Variants in SEMA4F observed in about 807,000 individuals in gnomAD.
The protein encoded by SEMA4F is ssemaphorin 4F.
A neutral mutation model predicts 78.4 loss-of-function variants in SEMA4F; 51 were observed. The observed-to-expected ratio is 0.65, with a 90% CI of 0.52 to 0.82. The LOEUF (loss-of-function observed/expected upper bound fraction) is 0.82, where lower values mean the gene tolerates loss of function less well. Ranked by LOEUF, SEMA4F falls within the 40% of genes least tolerant of loss-of-function variation. The pLI, the probability that SEMA4F is intolerant of heterozygous loss-of-function variation, is 0.00. For missense variants in SEMA4F, 938 were observed against 1,014.4 expected (o/e 0.92, Z 1.02); for synonymous variants, 418 against 408.7 (o/e 1.02, Z -0.27).
chr2:74,662,780 A>G lies in SEMA4F; in HGVS notation c.505A>G (p.Lys169Glu), dbSNP rs752646376. The stretch of plus-strand genomic sequence containing the variant: ...TGAAAGACTTGAGAGTGGCCGGGGG[A>G]AATGTCCTTTTGAGCCAGCTCAGCG... ...QVERLESGRG[K>E]CPFEPAQRSA... Residue 169 changes from lysine to glutamate, a missense_variant, in exon 5 of 14, where the codon AAA becomes GAA. Coordinates refer to ENST00000357877, the MANE Select transcript of SEMA4F (RefSeq NM_004263.5). 1 of 1,614,112 alleles carries G rather than the reference A, an allele frequency of 6.2e-7. No individual in the cohort carries two copies. The highest frequency in any genetic ancestry group is 1.1e-5 in the South Asian group (1 of 91,076).
chr2:74,673,586 G>A lies in SEMA4F; in HGVS notation c.670+10G>A. The A allele has an allele frequency of 2.5e-6, 4 of 1,614,126 alleles. No individual in the cohort carries two copies. Among genetic ancestry groups the A allele is most frequent in the Non-Finnish European group, 3.4e-6 (4 of 1,180,014 alleles). Reference sequence around the variant, plus strand: ...CCTTCCTGGCTGAACGGTGGGGAGAGGGAGAGGGGTCCTCTGGGGAGACCG... The same window carrying A: ...CCTTCCTGGCTGAACGGTGGGGAGAAGGAGAGGGGTCCTCTGGGGAGACCG... On this transcript the variant is annotated intron_variant, in intron 6 of 13. Transcript: ENST00000357877.
chr2:74,660,306 C>T (rs1028869083), intron 4 of SEMA4F, among the ~76,000 whole-genome samples: 2 of 152,256 alleles, frequency 1.3e-5, no homozygotes, highest in Admixed American at 1.3e-4. Context: ...TCCTGTCCCT[C>T]TAGTCTAGCC....
At chr2:74,692,020 C>T in the SEMA4F span, among the ~76,000 whole-genome samples, 2 of 152,134 alleles carry the variant, frequency 1.3e-5, no homozygotes, top group Non-Finnish European at 2.9e-5. Flanking sequence ...GTGGTGGGCA[C>T]TGGGCCAGGA....
At chr2:74,663,369 C>T (rs1330743070) in intron 5 of SEMA4F, among the ~76,000 whole-genome samples, 5 of 151,944 alleles carry the variant, frequency 3.3e-5, no homozygotes, top group South Asian at 2.1e-4. Flanking sequence ...CTAGTGGTAC[C>T]GTATTAGTGT....
At chr2:74,662,649 T>TTCC in intron 4 of SEMA4F, 83 bp from the exon 5 acceptor site, 1 of 1,129,816 alleles carries the variant, frequency 8.9e-7, no homozygotes, top group Admixed American at 1.7e-5. Flanking sequence ...AATTGACCTT[T>TTCC]TCCTTCATCT....
chr2:74,674,355 C>T, intron 7 of SEMA4F, 143 bp from the exon 8 acceptor site: 4 of 683,564 alleles, frequency 5.9e-6, no homozygotes. Context: ...CTCTGTGTGG[C>T]TCTCTGTCCT....
intron 12 of SEMA4F, among the ~76,000 whole-genome samples, chr2:74,678,415 G>A (rs907491379): frequency 6.6e-6 from 1 of 152,220 alleles, no homozygotes; most frequent in Non-Finnish European, 1.5e-5. Flanking sequence ...CTCTCAGCTA[G>A]ACTAATCAAC....
the SEMA4F span, among the ~76,000 whole-genome samples, chr2:74,704,301 A>C: frequency 6.7e-6 from 1 of 149,144 alleles, no homozygotes; most frequent in Non-Finnish European, 1.5e-5. Flanking sequence ...CTATTTTCTC[A>C]TGGCTATTTG....
At chr2:74,694,167 C>T in the SEMA4F span, among the ~76,000 whole-genome samples, 1 of 152,008 alleles carries the variant, frequency 6.6e-6, no homozygotes, top group Admixed American at 6.6e-5. Context: ...TGTGTGTGTG[C>T]GTGCTTCTTT....
intron 5 of SEMA4F, 38 bp downstream of exon 5, chr2:74,662,863 A>G: frequency 6.5e-7 from 1 of 1,534,274 alleles, no homozygotes; most frequent in Non-Finnish European, 9.0e-7. Context: ...ACTTCTTGCT[A>G]ATTGCCTCCT....
At chr2:74,664,399 A>G (rs1684582148) in intron 5 of SEMA4F, among the ~76,000 whole-genome samples, 1 of 151,612 alleles carries the variant, frequency 6.6e-6, no homozygotes, top group African/African-American at 2.4e-5. Context: ...AGTTAGTTCA[A>G]AGATTTTGCT....
the SEMA4F span, among the ~76,000 whole-genome samples, chr2:74,708,719 A>T: frequency 6.6e-6 from 1 of 152,252 alleles, no homozygotes; most frequent in Non-Finnish European, 1.5e-5. Flanking sequence ...AACTTGAATG[A>T]GAAAAGACAA....
At chr2:74,666,897 A>C in intron 5 of SEMA4F, among the ~76,000 whole-genome samples, 1 of 152,364 alleles carries the variant, frequency 6.6e-6, no homozygotes, top group Non-Finnish European at 1.5e-5. Context: ...TGTGCATTGT[A>C]GAAAATTGAG....
the SEMA4F span, among the ~76,000 whole-genome samples, chr2:74,698,220 C>T: frequency 6.6e-6 from 1 of 152,118 alleles, no homozygotes; most frequent in African/African-American, 2.4e-5. Context: ...TTCAAAGGGA[C>T]TAGACAAAGC....
chr2:74,691,970 G>C, the SEMA4F span, among the ~76,000 whole-genome samples: 1 of 152,180 alleles, frequency 6.6e-6, no homozygotes, highest in Non-Finnish European at 1.5e-5. Flanking sequence ...GGGTAACAGT[G>C]TCCAGCCTTA....
chr2:74,665,684 C>T (rs1684656046), intron 5 of SEMA4F, among the ~76,000 whole-genome samples: 1 of 152,074 alleles, frequency 6.6e-6, no homozygotes, highest in Non-Finnish European at 1.5e-5. Flanking sequence ...ATGAGACCTT[C>T]CTTATACATG....
the SEMA4F span, among the ~76,000 whole-genome samples, chr2:74,707,505 A>T: frequency 3.3e-3 from 275 of 83,520 alleles, 1 homozygote; most frequent in East Asian, 0.11. Flanking sequence ...TTTTTTTTTT[A>T]AAAAGGTTAA....
At chr2:74,668,950 A>T (rs1684837592) in intron 5 of SEMA4F, among the ~76,000 whole-genome samples, 1 of 151,558 alleles carries the variant, frequency 6.6e-6, no homozygotes, top group Non-Finnish European at 1.5e-5. Context: ...AAAAAAAAAA[A>T]AAATTAGCTT....
intron 13 of SEMA4F, 75 bp from the exon 14 acceptor site, chr2:74,679,524 T>G: frequency 6.5e-7 from 1 of 1,543,052 alleles, no homozygotes; most frequent in South Asian, 1.2e-5. Context: ...ATGTCCGACA[T>G]CACCCCACAC....
Sources: allele counts gnomAD v4.1 joint callset (sites outside exome capture counted in the v4.1 genomes callset), GRCh38; gene constraint gnomAD v4.1.1; transcripts MANE v1.5; gene names NCBI Gene and HGNC (gene_info 2026-07-23, HGNC 2026-07-21).